NSUN6: variants seen among roughly 807,000 people sequenced by gnomAD.
NSUN6 encodes the protein tRNA (cytosine(72)-C(5))-methyltransferase NSUN6.
Under a neutral mutation model 58.0 loss-of-function variants are expected in NSUN6, and 64 were observed. That is an observed-to-expected ratio of 1.10 (90% CI 0.90 to 1.36). The LOEUF (loss-of-function observed/expected upper bound fraction) is 1.36. Ranked by LOEUF, NSUN6 falls within the 40% of genes most tolerant of loss-of-function variation. NSUN6 has a pLI of 0.00. For missense variants in NSUN6, 701 were observed against 550.1 expected, an observed-to-expected ratio of 1.27 and a Z score of -2.74; for synonymous variants, 231 against 193.9, an observed-to-expected ratio of 1.19 and a Z score of -1.59.
At chr10:18,564,889 A>G (rs957939346) in intron 8 of NSUN6, among the ~76,000 whole-genome samples, 2 of 144,536 alleles carry the variant, frequency 1.4e-5, no homozygotes, top group Non-Finnish European at 3.0e-5. Context: ...ATTCCATTCC[A>G]TTTCATTGCA....
At chr10:18,551,515 A>G (rs1310494742) in intron 9 of NSUN6, among the ~76,000 whole-genome samples, 1 of 152,064 alleles carries the variant, frequency 6.6e-6, no homozygotes, top group East Asian at 1.9e-4. Flanking sequence ...TGAATTTCCC[A>G]GCTACCTCAT....
chr10:18,583,222 C>T (rs537904588), intron 8 of NSUN6, among the ~76,000 whole-genome samples: 1 of 152,148 alleles, frequency 6.6e-6, no homozygotes, highest in Non-Finnish European at 1.5e-5. Context: ...ATCTTGTAAC[C>T]CCCTCCTCTG....
At chr10:18,598,343 T>G (rs569123598) in intron 6 of NSUN6, among the ~76,000 whole-genome samples, 1 of 152,270 alleles carries the variant, frequency 6.6e-6, no homozygotes, top group Non-Finnish European at 1.5e-5. Flanking sequence ...ACAGCCTTGC[T>G]GCTCACACAA....
upstream of NSUN6, among the ~76,000 whole-genome samples, chr10:18,655,408 CAAACA>C (rs1245331358): frequency 1.3e-5 from 2 of 152,094 alleles, no homozygotes; most frequent in Non-Finnish European, 2.9e-5. Context: ...TACTATAAAC[CAAACA>C]AATTAGGTAG....
chr10:18,627,172 G>A (rs1374914015), intron 3 of NSUN6, among the ~76,000 whole-genome samples: 12 of 152,078 alleles, frequency 7.9e-5, no homozygotes, highest in African/African-American at 2.2e-4. Flanking sequence ...CTGAAATCTC[G>A]TCTTAAGTAA....
chr10:18,559,970 T>C (rs1049407565), intron 8 of NSUN6, among the ~76,000 whole-genome samples: 1 of 147,056 alleles, frequency 6.8e-6, no homozygotes, highest in African/African-American at 2.5e-5. Flanking sequence ...TGGTTTGGAA[T>C]GGAATGGAGA....
intron 3 of NSUN6, among the ~76,000 whole-genome samples, chr10:18,618,062 C>T (rs1420976949): frequency 6.6e-6 from 1 of 152,196 alleles, no homozygotes; most frequent in Non-Finnish European, 1.5e-5. Flanking sequence ...TTAAAGTCCT[C>T]CTAAGCCTTC....
At position 18,555,916 on chromosome 10, in the gene NSUN6, G is replaced by GGA. The variant is rs770031857; in HGVS notation, c.923-3947_923-3946dup. On this transcript the variant is annotated intron_variant, in intron 8 of 10. Transcript: ENST00000377304. ...AATAGAATGGAATGGAGAATGGAATGGAATGGAATGGAATGGAGAATGGAA... is the reference window on the plus strand; with the variant it reads ...AATAGAATGGAATGGAGAATGGAATGGAGAATGGAATGGAATGGAGAATGGAA... Among the ~76,000 whole-genome samples, 239 of 117,252 alleles carry GGA rather than the reference G, an allele frequency of 2.0e-3. 3 individuals carry two copies. Among genetic ancestry groups the GGA allele is most frequent in the African/African-American group, 6.7e-3 (230 of 34,106 alleles). 76.9% of individuals were successfully genotyped at this position (117,252 alleles called of 152,430 possible). A position where few individuals can be genotyped will look rare whatever the true frequency, so the allele number is the denominator to read the frequency against.
At chr10:18,580,371 C>T (rs1431440124) in intron 8 of NSUN6, among the ~76,000 whole-genome samples, 1 of 152,172 alleles carries the variant, frequency 6.6e-6, no homozygotes, top group African/African-American at 2.4e-5. Flanking sequence ...ACACAAGACT[C>T]CCTCTCTCCT....
At chr10:18,554,047 AGAATGGAATG>A (rs538886942) in intron 8 of NSUN6, among the ~76,000 whole-genome samples, 1 of 151,640 alleles carries the variant, frequency 6.6e-6, no homozygotes, top group Non-Finnish European at 1.5e-5. Context: ...ACTCAAATGG[AGAATGGAATG>A]GAATGGAGAA....
Position 18,636,963 on chromosome 10 carries a change from C to CT in NSUN6, c.311+5512dup, listed in dbSNP as rs34797299. Among the ~76,000 whole-genome samples the CT allele has an allele frequency of 4.1e-3, 515 of 124,766 alleles. 2 individuals are homozygous for CT. The highest frequency in any genetic ancestry group is 0.014 in the South Asian group (53 of 3,854). The allele number at this position is 124,766 out of a possible 152,430, so 81.9% of individuals were successfully genotyped here. A position where few individuals can be genotyped will look rare whatever the true frequency, so the allele number is the denominator to read the frequency against. ...TTAAAAAAAAAAAAAAAGGAATTGA[C>CT]TTTTTTTTTTTTTTTTGAGATGGAG... On this transcript the variant is annotated intron_variant, in intron 3 of 10. Coordinates refer to ENST00000377304, the MANE Select transcript of NSUN6 (RefSeq NM_182543.5).
At chr10:18,643,210 T>A (rs2059439868) in intron 2 of NSUN6, among the ~76,000 whole-genome samples, 1 of 151,588 alleles carries the variant, frequency 6.6e-6, no homozygotes, top group African/African-American at 2.4e-5. Context: ...GGGGTTATTT[T>A]TCCCAGAAAG....
chr10:18,648,788 G>A lies in NSUN6; in HGVS notation c.76-143C>T, dbSNP rs564892168. On this transcript the variant is annotated intron_variant, in intron 1 of 10. Transcript: ENST00000377304. ...TTGCTGTATTGTTTATATGTTAATA[G>A]CAACTAAGGAAATAGTAATACTTCA... The A allele has an allele frequency of 8.1e-5, 42 of 521,032 alleles. No individual in the cohort carries two copies. In the South Asian group the frequency reaches 1.3e-3, roughly 16 times the overall value. 32.3% of individuals were successfully genotyped at this position (521,032 alleles called of 1,614,324 possible). A position where few individuals can be genotyped will look rare whatever the true frequency, so the allele number is the denominator to read the frequency against.
intron 3 of NSUN6, among the ~76,000 whole-genome samples, chr10:18,627,408 T>C (rs1564821888): frequency 6.6e-6 from 1 of 152,058 alleles, no homozygotes; most frequent in Non-Finnish European, 1.5e-5. Context: ...AGAATAAAAA[T>C]CTGAGGAGAA....
At chr10:18,644,346 G>T (rs1439808707) in intron 2 of NSUN6, among the ~76,000 whole-genome samples, 2 of 152,158 alleles carry the variant, frequency 1.3e-5, no homozygotes. Context: ...ACTTGACCCA[G>T]ACTGGTCAAA....
At chr10:18,551,570 A>G in intron 9 of NSUN6, 2 of 346,558 alleles carry the variant, frequency 5.8e-6, no homozygotes, top group South Asian at 1.2e-4. Context: ...TCTGGTTCAT[A>G]TTACTGAGCA....
At chr10:18,582,062 G>GA (rs1288540080) in intron 8 of NSUN6, among the ~76,000 whole-genome samples, 4 of 152,008 alleles carry the variant, frequency 2.6e-5, no homozygotes, top group Non-Finnish European at 5.9e-5. Flanking sequence ...CTTACCAGCC[G>GA]AAAGTCCCTA....
At chr10:18,631,065 G>C (rs1352801890) in intron 3 of NSUN6, among the ~76,000 whole-genome samples, 1 of 151,938 alleles carries the variant, frequency 6.6e-6, no homozygotes, top group Non-Finnish European at 1.5e-5. Flanking sequence ...ATGATCAAGT[G>C]GGCTTCATCC....
Position 18,616,309 on chromosome 10 carries a change from A to G in NSUN6, c.312-16T>C. On this transcript the variant is annotated splice_polypyrimidine_tract_variant and intron_variant, in intron 3 of 10. Coordinates refer to ENST00000377304, the MANE Select transcript of NSUN6 (RefSeq NM_182543.5). The stretch of plus-strand genomic sequence containing the variant: ...AATATTCTTTCTAGAAATGTAAGAC[A>G]CAAGAAGTTTAATAGTAACATACCT... 1 of 1,510,202 alleles carries G rather than the reference A, an allele frequency of 6.6e-7. No individual in the cohort carries two copies. Among genetic ancestry groups the G allele is most frequent in the East Asian group, 2.3e-5 (1 of 44,410 alleles). The allele number at this position is 1,510,202 out of a possible 1,614,324, so 93.6% of individuals were successfully genotyped here.
Sources: allele counts gnomAD v4.1 joint callset (sites outside exome capture counted in the v4.1 genomes callset), GRCh38; gene constraint gnomAD v4.1.1; transcripts MANE v1.5; gene names NCBI Gene and HGNC (gene_info 2026-07-23, HGNC 2026-07-21).